The following AKAP6 variants were observed in gnomAD, a reference collection of about 807,000 sequenced individuals.
The protein encoded by AKAP6 is A-kinase anchoring protein 6, also known as A-kinase anchor protein 6.
AKAP6 carries 58 observed loss-of-function variants against 188.5 expected under a neutral mutation model. The ratio of observed to expected loss-of-function variants is 0.31; its 90% CI spans 0.25 to 0.38. AKAP6 has a LOEUF of 0.38. AKAP6 is among the 10% of genes least tolerant of loss of function. The pLI, the probability that AKAP6 is intolerant of heterozygous loss-of-function variation, is 1.00. For missense variants in AKAP6, 2,710 were observed against 2,740.0 expected (o/e 0.99, Z 0.24); for synonymous variants, 989 against 998.6 (o/e 0.99, Z 0.18).
intron 9 of AKAP6, among the ~76,000 whole-genome samples, chr14:32,722,371 C>T (rs1195686665): frequency 6.6e-6 from 1 of 151,972 alleles, no homozygotes; most frequent in Non-Finnish European, 1.5e-5. Context: ...TAATTCAATC[C>T]AAAATCATGT....
chr14:32,801,943 C>T (rs1252782885), intron 12 of AKAP6, among the ~76,000 whole-genome samples: 4 of 152,090 alleles, frequency 2.6e-5, no homozygotes, highest in African/African-American at 9.7e-5. Context: ...CTTTGTCTTT[C>T]ATTTTCTACA....
At chr14:32,420,909 T>TTGTGTGTGTGTGTGTGTGTGTGTGTG (rs71432053) in intron 1 of AKAP6, among the ~76,000 whole-genome samples, 3 of 146,410 alleles carry the variant, frequency 2.0e-5, no homozygotes, top group African/African-American at 7.6e-5. Context: ...GGAGATTGAT[T>TTGTGTGTGTGTGTGTGTGTGTGTGTG]TGTGTGTGTG....
chr14:32,519,196 A>G (rs1355237013), intron 2 of AKAP6, among the ~76,000 whole-genome samples: 1 of 152,234 alleles, frequency 6.6e-6, no homozygotes, highest in East Asian at 1.9e-4. Context: ...TGAAGGAAGC[A>G]CTGAACATGG....
intron 9 of AKAP6, among the ~76,000 whole-genome samples, chr14:32,697,209 T>C (rs1429123666): frequency 2.0e-5 from 3 of 152,174 alleles, no homozygotes; most frequent in Non-Finnish European, 4.4e-5. Context: ...TATTTGTACT[T>C]TTCAAGGGTC....
intron 12 of AKAP6, among the ~76,000 whole-genome samples, chr14:32,818,101 G>A (rs2034433488): frequency 6.6e-6 from 1 of 152,100 alleles, no homozygotes; most frequent in South Asian, 2.1e-4. Flanking sequence ...AGAGTGAGTA[G>A]CACTTCTTTA....
chr14:32,720,622 C>G (rs2030481529), intron 9 of AKAP6, among the ~76,000 whole-genome samples: 1 of 152,164 alleles, frequency 6.6e-6, no homozygotes, highest in Non-Finnish European at 1.5e-5. Flanking sequence ...GTTTGGAGAA[C>G]AGCTAGAATC....
At chr14:32,337,353 G>A (rs1886737613) in intron 1 of AKAP6, among the ~76,000 whole-genome samples, 1 of 152,116 alleles carries the variant, frequency 6.6e-6, no homozygotes, top group Admixed American at 6.5e-5. Context: ...GCTAGTAGGA[G>A]CACACAGCTT....
At chr14:32,655,995 T>C (rs1252613652) in intron 7 of AKAP6, among the ~76,000 whole-genome samples, 2 of 152,132 alleles carry the variant, frequency 1.3e-5, no homozygotes, top group Non-Finnish European at 2.9e-5. Context: ...GATAAATATC[T>C]CTCGTCTAGA....
At chr14:32,346,251 G>A (rs941653499) in intron 1 of AKAP6, among the ~76,000 whole-genome samples, 19 of 152,104 alleles carry the variant, frequency 1.2e-4, no homozygotes. Context: ...TCTACTTAGG[G>A]CCCTGTTTTC....
intron 7 of AKAP6, among the ~76,000 whole-genome samples, chr14:32,641,194 C>A (rs1887738890): frequency 1.3e-5 from 2 of 151,670 alleles, no homozygotes; most frequent in Non-Finnish European, 2.9e-5. Context: ...ATCAGGTGTG[C>A]ATTTGATTAA....
chr14:32,719,275 G>A lies in AKAP6; in HGVS notation c.3001-13179G>A, dbSNP rs149756680. Among the ~76,000 whole-genome samples, 178 of 152,258 alleles carry A rather than the reference G, an allele frequency of 1.2e-3. 2 individuals are homozygous for A. The highest frequency in any genetic ancestry group is 7.3e-3 in the South Asian group (35 of 4,822). On this transcript the variant is annotated intron_variant, in intron 9 of 13. Coordinates refer to ENST00000280979, the MANE Select transcript of AKAP6 (RefSeq NM_004274.5). ...CAGCTCTGTCTTAACACCTACCATC[G>A]CATGGTAAATTCTGGGTGCAGCCTC... is the stretch of plus-strand genomic sequence containing the variant.
At chr14:32,665,381 C>T (rs944568279) in intron 7 of AKAP6, among the ~76,000 whole-genome samples, 3 of 152,086 alleles carry the variant, frequency 2.0e-5, no homozygotes, top group African/African-American at 7.2e-5. Context: ...GCTCACAGAG[C>T]TCCGGGAAAC....
At position 32,540,192 on chromosome 14, in the gene AKAP6, A is replaced by T. The variant is rs867106847; in HGVS notation, c.576+4387A>T. Among the ~76,000 whole-genome samples the T allele has an allele frequency of 4.6e-3, 570 of 122,824 alleles. 7 individuals carry two copies. The highest frequency in any genetic ancestry group is 7.0e-3 in the African/African-American group (226 of 32,190). 80.6% of individuals were successfully genotyped at this position (122,824 alleles called of 152,430 possible). A position where few individuals can be genotyped will look rare whatever the true frequency, so the allele number is the denominator to read the frequency against. On this transcript the variant is annotated intron_variant, in intron 3 of 13. Coordinates refer to ENST00000280979, the MANE Select transcript of AKAP6 (RefSeq NM_004274.5). ...TCTATATATATATATATATATATAT[A>T]TTTTAATTTTTTATTTTTTTTTTTG...
intron 5 of AKAP6, among the ~76,000 whole-genome samples, chr14:32,585,135 T>C (rs1171987537): frequency 1.3e-5 from 2 of 152,064 alleles, no homozygotes; most frequent in African/African-American, 2.4e-5. Flanking sequence ...TTATTTCATA[T>C]CCATTTGCTC....
chr14:32,380,106 C>T lies in AKAP6; in HGVS notation c.-35+50698C>T, dbSNP rs74041612. On this transcript the variant is annotated intron_variant, in intron 1 of 13. Coordinates refer to ENST00000280979, the MANE Select transcript of AKAP6 (RefSeq NM_004274.5). The stretch of plus-strand genomic sequence containing the variant: ...AAGAAACCCATTTGTCTCTGCTGAG[C>T]ATCTAAAGACTTTTACTATCTGATT... Among the ~76,000 whole-genome samples, 909 of 152,324 alleles carry T rather than the reference C, an allele frequency of 6.0e-3. 8 individuals carry two copies. The highest frequency in any genetic ancestry group is 0.02 in the African/African-American group (837 of 41,560).
At chr14:32,391,223 A>C (rs914386660) in intron 1 of AKAP6, among the ~76,000 whole-genome samples, 1 of 152,158 alleles carries the variant, frequency 6.6e-6, no homozygotes, top group African/African-American at 2.4e-5. Context: ...CAGCATTCTC[A>C]TGTTCAATCT....
intron 9 of AKAP6, among the ~76,000 whole-genome samples, chr14:32,712,871 C>T (rs562122920): frequency 8.5e-5 from 13 of 152,166 alleles, no homozygotes; most frequent in Middle Eastern, 3.4e-3. Flanking sequence ...ATTTTGATCT[C>T]CTCCTATGAA....
chr14:32,510,895 G>A (rs1566547243), intron 2 of AKAP6, among the ~76,000 whole-genome samples: 2 of 152,052 alleles, frequency 1.3e-5, no homozygotes, highest in Non-Finnish European at 2.9e-5. Flanking sequence ...TGATAACACC[G>A]AGGGCTCCTT....
At chr14:32,486,042 C>A (rs1244077346) in intron 2 of AKAP6, among the ~76,000 whole-genome samples, 1 of 152,138 alleles carries the variant, frequency 6.6e-6, no homozygotes, top group Non-Finnish European at 1.5e-5. Flanking sequence ...ATATGGCTAG[C>A]CAGTTTTCCC....
Sources: allele counts gnomAD v4.1 joint callset (sites outside exome capture counted in the v4.1 genomes callset), GRCh38; gene constraint gnomAD v4.1.1; transcripts MANE v1.5; gene names NCBI Gene and HGNC (gene_info 2026-07-23, HGNC 2026-07-21).